The following DNAH9 variants were observed in gnomAD, a reference collection of about 807,000 sequenced individuals.
The protein encoded by DNAH9 is dynein axonemal heavy chain 9, also known as DNAH9 variant protein.
Under a neutral mutation model 471.6 loss-of-function variants are expected in DNAH9, and 345 were observed. The ratio of observed to expected loss-of-function variants is 0.73; its 90% CI spans 0.67 to 0.80. DNAH9 has a LOEUF of 0.80. DNAH9 is among the 30% of genes least tolerant of loss of function. DNAH9 has a pLI of 0.00. For synonymous variants in DNAH9, 2,093 were observed against 2,123.6 expected, an observed-to-expected ratio of 0.99 and a Z score of 0.40; for missense variants, 5,407 against 5,609.2, an observed-to-expected ratio of 0.96 and a Z score of 1.15.
intron 36 of DNAH9, among the ~76,000 whole-genome samples, chr17:11,767,021 C>T (rs1567787145): frequency 1.3e-5 from 2 of 151,902 alleles, no homozygotes; most frequent in Non-Finnish European, 2.9e-5. Flanking sequence ...ACTGGACTGG[C>T]CCAGCAGAGG....
At chr17:11,954,787 AAG>A (rs746187380) in intron 67 of DNAH9, among the ~76,000 whole-genome samples, 11 of 147,212 alleles carry the variant, frequency 7.5e-5, no homozygotes, top group African/African-American at 2.8e-4. Flanking sequence ...AAAAAAAAAA[AAG>A]AGAGAGAAAG....
At chr17:11,905,077 A>G (rs901293390) in intron 60 of DNAH9, among the ~76,000 whole-genome samples, 7 of 151,360 alleles carry the variant, frequency 4.6e-5, no homozygotes, top group Non-Finnish European at 1.0e-4. Flanking sequence ...GCTAAAATAT[A>G]AAAAAAATTA....
In DNAH9 at chr17:11,623,335, T is replaced by G. The variant is rs2072911203; in HGVS notation, c.1350+3554T>G. ...CCTTTGTCTAATTCTTCCTCCCTTT[T>G]CACTTGGTCCCCCTTTCACTTTGTT... On this transcript the variant is annotated intron_variant, in intron 6 of 68. Coordinates refer to ENST00000262442, the MANE Select transcript of DNAH9 (RefSeq NM_001372.4). This position sits in a 1 kb window ranked among gnomAD's most constrained non-coding sequence, Gnocchi z 4.1. Among the ~76,000 whole-genome samples the G allele has an allele frequency of 6.6e-6, 1 of 152,126 alleles. No individual in the cohort carries two copies. Among genetic ancestry groups the G allele is most frequent in the Non-Finnish European group, 1.5e-5 (1 of 68,020 alleles).
At chr17:11,955,358 A>G (rs189267246) in intron 67 of DNAH9, among the ~76,000 whole-genome samples, 2 of 152,316 alleles carry the variant, frequency 1.3e-5, no homozygotes, top group Non-Finnish European at 2.9e-5. Flanking sequence ...AAGTTTGTCA[A>G]TTCTTGCCCT....
intron 17 of DNAH9, 115 bp downstream of exon 17, chr17:11,669,909 A>G: frequency 1.1e-6 from 1 of 912,276 alleles, no homozygotes; most frequent in Non-Finnish European, 1.7e-6. Context: ...AAAGATTAAG[A>G]CAGCTGGTTA....
intron 31 of DNAH9, among the ~76,000 whole-genome samples, chr17:11,745,693 C>A (rs1408957761): frequency 6.6e-6 from 1 of 152,096 alleles, no homozygotes; most frequent in East Asian, 1.9e-4. Flanking sequence ...AAAATGATAT[C>A]CATCAAACAA....
rs752731038 is a variant in DNAH9, at chr17:11,747,677, G to A, written c.6521G>A (p.Arg2174His). ...AAGACCTATCAGATCATGAAACGGCGCCCCGTCTGGACTGACCTCAATCCC... is the reference window on the plus strand; with the variant it reads ...AAGACCTATCAGATCATGAAACGGCACCCCGTCTGGACTGACCTCAATCCC... The part of the protein sequence containing the change: ...LHKTYQIMKR[R>H]PVWTDLNPKA... The change falls in exon 32 of 69, where the codon CGC (arginine) becomes CAC (histidine). Residue 2174 changes from arginine to histidine, a missense_variant. By Grantham distance (29) the Arg-to-His change is conservative (BLOSUM62 0). This residue lies in a region of DNAH9 where 4,636 missense variants were observed against 4,900.3 expected (regional missense o/e 0.95). Transcript: ENST00000262442. 56 of 1,613,982 alleles carry A rather than the reference G, an allele frequency of 3.5e-5. No homozygotes were observed. The highest frequency in any genetic ancestry group is 4.0e-5 in the Non-Finnish European group (47 of 1,180,026).
rs148241439 is a variant in DNAH9, at chr17:11,904,028, G to T, written c.11600+1116G>T. 7.9e-5 allele frequency among the ~76,000 whole-genome samples: 12 copies of T among 152,318 alleles called. 1 individual carries two copies. In the East Asian group the frequency reaches 2.3e-3, roughly 29 times the overall value. On this transcript the variant is annotated intron_variant, in intron 60 of 68. Coordinates refer to ENST00000262442, the MANE Select transcript of DNAH9 (RefSeq NM_001372.4). The stretch of plus-strand genomic sequence containing the variant: ...GGTGAAGTCAGGTTAGATTGCTAAG[G>T]ATAAAAGGCTTGGGTCAAAGAGTGA...
At chr17:11,619,438 A>C (rs1323198338) in intron 5 of DNAH9, 110 bp from the exon 6 acceptor site, 3 of 726,018 alleles carry the variant, frequency 4.1e-6, no homozygotes, top group Non-Finnish European at 7.4e-6. Flanking sequence ...TGTTTCCTCT[A>C]TTATCCTCGT....
chr17:11,606,685 T>C (rs1206075631), intron 1 of DNAH9, among the ~76,000 whole-genome samples: 1 of 152,024 alleles, frequency 6.6e-6, no homozygotes, highest in Non-Finnish European at 1.5e-5. Context: ...CCTGATCTCG[T>C]GATCTGCCCA....
chr17:11,749,145 C>T (rs548122267), intron 32 of DNAH9, among the ~76,000 whole-genome samples: 2 of 142,056 alleles, frequency 1.4e-5, no homozygotes, highest in African/African-American at 5.3e-5. Flanking sequence ...AATGCAGTGG[C>T]ACAATCTCAG....
intron 26 of DNAH9, among the ~76,000 whole-genome samples, chr17:11,712,621 G>T (rs993003863): frequency 6.6e-6 from 1 of 152,032 alleles, no homozygotes; most frequent in Non-Finnish European, 1.5e-5. Flanking sequence ...CATTCTGGTG[G>T]CTGTTAAGTA....
chr17:11,768,574 C>T lies in DNAH9; in HGVS notation c.7292C>T (p.Pro2431Leu). 1 of 1,614,166 alleles carries T rather than the reference C, an allele frequency of 6.2e-7. No homozygotes were observed. Among genetic ancestry groups the T allele is most frequent in the Non-Finnish European group, 8.5e-7 (1 of 1,180,040 alleles). ...YIDPETKKFE[P>L]WSKLVPQFEF... ...GACCCAGAGACCAAGAAATTCGAGCCTTGGTCCAAGCTCGTCCCCCAGTTC... is the reference window on the plus strand; with the variant it reads ...GACCCAGAGACCAAGAAATTCGAGCTTTGGTCCAAGCTCGTCCCCCAGTTC... The change falls in exon 37 of 69, where the codon CCT becomes CTT. Residue 2431 changes from proline (P) to leucine (L), a missense_variant. This residue lies in a region of DNAH9 where 4,636 missense variants were observed against 4,900.3 expected (regional missense o/e 0.95). Coordinates refer to ENST00000262442, the MANE Select transcript of DNAH9 (RefSeq NM_001372.4).
chr17:11,658,690 A>G (rs145219526), intron 14 of DNAH9, among the ~76,000 whole-genome samples: 2 of 152,280 alleles, frequency 1.3e-5, no homozygotes, highest in Non-Finnish European at 2.9e-5. Context: ...TAGTTGACTA[A>G]AAGAGTTTCA....
chr17:11,943,469 G>A lies in DNAH9; in HGVS notation c.12843+984G>A, dbSNP rs530445750. Reference sequence around the variant, plus strand: ...CAAGGCGGGCGGATCACAAGGTCAGGAGATCGAGACCACCCTGGCTAGCAC... The same window carrying A: ...CAAGGCGGGCGGATCACAAGGTCAGAAGATCGAGACCACCCTGGCTAGCAC... On this transcript the variant is annotated intron_variant, in intron 67 of 68. Transcript: ENST00000262442. Among the ~76,000 whole-genome samples the A allele has an allele frequency of 2.0e-5, 3 of 152,178 alleles. No individual in the cohort carries two copies. The South Asian group carries it at 6.2e-4, about 32-fold the overall frequency.
At chr17:11,816,165 A>G (rs1336041445) in intron 45 of DNAH9, among the ~76,000 whole-genome samples, 1 of 152,232 alleles carries the variant, frequency 6.6e-6, no homozygotes, top group Non-Finnish European at 1.5e-5. Context: ...CCACCACTGT[A>G]TTGAAACGAG....
intron 59 of DNAH9, among the ~76,000 whole-genome samples, chr17:11,902,240 G>T (rs867097656): frequency 2.0e-5 from 3 of 152,196 alleles, no homozygotes; most frequent in African/African-American, 7.2e-5. Flanking sequence ...AATCCTCATA[G>T]AAATAGACAA....
chr17:11,646,923 GA>G lies in DNAH9; in HGVS notation c.1971-146del, dbSNP rs554039966. ...AGCGAAACTCTGTCTCAAAAAGAAAGAAAGAAATTTGTGGTTACTCTCAGAA... is the reference window on the plus strand; with the variant it reads ...AGCGAAACTCTGTCTCAAAAAGAAAGAAGAAATTTGTGGTTACTCTCAGAA... On this transcript the variant is annotated intron_variant, in intron 11 of 68. Transcript: ENST00000262442. 4.9e-3 allele frequency: 3,190 copies of G among 644,674 alleles called. 17 individuals carry two copies. The highest frequency in any genetic ancestry group is 5.9e-3 in the Non-Finnish European group (2,322 of 396,416). The allele number at this position is 644,674 out of a possible 1,614,324, so 39.9% of individuals were successfully genotyped here.
At chr17:11,694,518 C>G (rs1052409769) in intron 22 of DNAH9, 71 bp downstream of exon 22, 7 of 1,562,762 alleles carry the variant, frequency 4.5e-6, no homozygotes, top group Non-Finnish European at 5.3e-6. Flanking sequence ...CAGTTTCTGG[C>G]TCCCCATCAT....
Sources: allele counts gnomAD v4.1 joint callset (sites outside exome capture counted in the v4.1 genomes callset), GRCh38; gene constraint gnomAD v4.1.1; regional missense constraint gnomAD v4.1.1; non-coding constraint Gnocchi (gnomAD v3.1); transcripts MANE v1.5; gene names NCBI Gene and HGNC (gene_info 2026-07-23, HGNC 2026-07-21).